Variants in DMRT1 observed in about 807,000 individuals in gnomAD.
The protein encoded by DMRT1 is doublesex and mab-3 related transcription factor 1, also known as doublesex- and mab-3-related transcription factor 1.
In DMRT1, 7 loss-of-function variants were observed where a neutral mutation model predicts 32.3. That is an observed-to-expected ratio of 0.22 (90% CI 0.12 to 0.41). The LOEUF (loss-of-function observed/expected upper bound fraction) is 0.41, where lower values mean the gene tolerates loss of function less well. Among genes scored for constraint, DMRT1 ranks in the 10% least tolerant of loss-of-function variants. The probability of loss-of-function intolerance (pLI) is 1.00; values close to 1 mark genes in which losing one functional copy is unlikely to be tolerated. For missense variants in DMRT1, 625 were observed against 500.5 expected, an observed-to-expected ratio of 1.25 and a Z score of -2.37; for synonymous variants, 278 against 206.1, an observed-to-expected ratio of 1.35 and a Z score of -2.99.
At chr9:883,187 C>CA (rs1189496996) in intron 2 of DMRT1, among the ~76,000 whole-genome samples, 1 of 151,502 alleles carries the variant, frequency 6.6e-6, no homozygotes, top group African/African-American at 2.4e-5. Context: ...CTTTAAAAGC[C>CA]AACTTCAGGT....
intron 2 of DMRT1, among the ~76,000 whole-genome samples, chr9:852,945 C>T (rs1815224118): frequency 1.3e-5 from 2 of 152,130 alleles, no homozygotes; most frequent in African/African-American, 4.8e-5. Context: ...CACATTGTGT[C>T]GTATGTTTAA....
intron 2 of DMRT1, among the ~76,000 whole-genome samples, chr9:892,965 T>C (rs1484607588): frequency 1.3e-5 from 2 of 152,180 alleles, no homozygotes; most frequent in African/African-American, 2.4e-5. Context: ...CATCTTTTTT[T>C]AAGTGCAACT....
At chr9:890,480 C>G (rs1289072541) in intron 2 of DMRT1, among the ~76,000 whole-genome samples, 2 of 152,158 alleles carry the variant, frequency 1.3e-5, no homozygotes, top group African/African-American at 2.4e-5. Flanking sequence ...AAAAGTGACA[C>G]CAATGCTGAC....
At chr9:850,437 G>A (rs780348345) in intron 2 of DMRT1, among the ~76,000 whole-genome samples, 1 of 152,144 alleles carries the variant, frequency 6.6e-6, no homozygotes. Flanking sequence ...TCATTTTTCA[G>A]AGGTTGGATT....
chr9:889,794 C>A (rs1817069122), intron 2 of DMRT1, among the ~76,000 whole-genome samples: 1 of 152,124 alleles, frequency 6.6e-6, no homozygotes, highest in African/African-American at 2.4e-5. Context: ...AAGAAGCTTG[C>A]TTTTGAAAGG....
At chr9:930,039 C>A (rs1329063759) in intron 4 of DMRT1, among the ~76,000 whole-genome samples, 1 of 152,152 alleles carries the variant, frequency 6.6e-6, no homozygotes, top group Admixed American at 6.5e-5. Context: ...TGACTTTATT[C>A]AAGACCTGGT....
intron 2 of DMRT1, among the ~76,000 whole-genome samples, chr9:853,495 G>A (rs1343071143): frequency 1.4e-5 from 2 of 144,618 alleles, no homozygotes; most frequent in South Asian, 2.2e-4. Flanking sequence ...TTTTTGAGAC[G>A]AAGTCTTGAT....
rs1185468927 is a variant in DMRT1, at chr9:863,541, GGACCTA to G, written c.538+16400_538+16405del. Reference sequence around the variant, plus strand: ...CTCAGCTGACAGCCAGCAAGGAATGGGACCTAGTCCTACTAACACACAGGGAGCTGA... The same window carrying G: ...CTCAGCTGACAGCCAGCAAGGAATGGGTCCTACTAACACACAGGGAGCTGA... On this transcript the variant is annotated intron_variant, in intron 2 of 4. Transcript: ENST00000382276. 2.0e-5 allele frequency among the ~76,000 whole-genome samples: 3 copies of G among 152,236 alleles called. No individual in the cohort carries two copies. In the East Asian group the frequency reaches 5.8e-4, roughly 29 times the overall value.
At chr9:892,366 TC>T (rs1817185226) in intron 2 of DMRT1, among the ~76,000 whole-genome samples, 1 of 152,064 alleles carries the variant, frequency 6.6e-6, no homozygotes, top group African/African-American at 2.4e-5. Flanking sequence ...TCTCAGCCTC[TC>T]CCAAAAGCAC....
intron 2 of DMRT1, among the ~76,000 whole-genome samples, chr9:858,137 T>C (rs111492345): frequency 0.066 from 10,117 of 152,232 alleles, 1,086 homozygotes; most frequent in African/African-American, 0.23. Flanking sequence ...GGAAAACCAC[T>C]GTCACTCTTC....
Position 916,866 on chromosome 9 carries a change from C to A in DMRT1, c.926C>A (p.Thr309Asn). Residue 309 changes from threonine (T) to asparagine (N), a missense_variant, in exon 4 of 5, where the codon ACT (threonine) becomes AAT (asparagine). This residue lies in a region of DMRT1 where 416 missense variants were observed against 321.6 expected (regional missense o/e 1.29). Transcript: ENST00000382276. ...GGCCAGAGCGTGCCCCAGTTCTTCA[C>A]TTTTGAGGATGCTCCCTCTTACCCG... ...YLGQSVPQFFTFEDAPSYPEA... is the reference protein window; with the variant it reads ...YLGQSVPQFFNFEDAPSYPEA... The A allele has an allele frequency of 6.2e-7, 1 of 1,614,192 alleles. No homozygotes were observed. The highest frequency in any genetic ancestry group is 2.2e-5 in the East Asian group (1 of 44,886).
At chr9:864,100 C>A (rs374971498) in intron 2 of DMRT1, among the ~76,000 whole-genome samples, 76 of 152,168 alleles carry the variant, frequency 5.0e-4, no homozygotes, top group Non-Finnish European at 9.0e-4. Flanking sequence ...AAGCCTGTAA[C>A]TTTTCCACTT....
At chr9:944,264 G>A (rs1214358809) in intron 4 of DMRT1, among the ~76,000 whole-genome samples, 1 of 152,078 alleles carries the variant, frequency 6.6e-6, no homozygotes, top group South Asian at 2.1e-4. Context: ...CTTAATTATT[G>A]TGTGTTCCTG....
intron 4 of DMRT1, among the ~76,000 whole-genome samples, chr9:935,529 T>A (rs542606571): frequency 6.6e-6 from 1 of 152,326 alleles, no homozygotes; most frequent in African/African-American, 2.4e-5. Flanking sequence ...TGATGAGCGA[T>A]AGATTGGGTT....
At chr9:856,851 C>T (rs751027667) in intron 2 of DMRT1, among the ~76,000 whole-genome samples, 5 of 152,108 alleles carry the variant, frequency 3.3e-5, no homozygotes, top group Non-Finnish European at 7.3e-5. Context: ...ACATTCCTAC[C>T]GACAGTCTAT....
chr9:899,115 G>A (rs1290750108), intron 3 of DMRT1, among the ~76,000 whole-genome samples: 2 of 151,668 alleles, frequency 1.3e-5, no homozygotes, highest in African/African-American at 2.4e-5. Flanking sequence ...GTATCCTGTA[G>A]GATAACTCCT....
chr9:932,687 G>A (rs1818763221), intron 4 of DMRT1, among the ~76,000 whole-genome samples: 1 of 152,110 alleles, frequency 6.6e-6, no homozygotes, highest in African/African-American at 2.4e-5. Flanking sequence ...GGCTCCAGCT[G>A]AAAATGGGGT....
At chr9:961,526 AC>A (rs1305932352) in intron 4 of DMRT1, among the ~76,000 whole-genome samples, 1 of 152,198 alleles carries the variant, frequency 6.6e-6, no homozygotes, top group African/African-American at 2.4e-5. Flanking sequence ...ATGTTCACAG[AC>A]ATTCTGGTGT....
rs114645183 is a variant in DMRT1 at position 891,972 on chromosome 9, C to T, written c.539-1940C>T. On this transcript the variant is annotated intron_variant, in intron 2 of 4. Coordinates refer to ENST00000382276, the MANE Select transcript of DMRT1 (RefSeq NM_021951.3). The stretch of plus-strand genomic sequence containing the variant: ...AGTGGTGTGCCCGGAGGCTGGGTGC[C>T]TTCTTGCTGGATCTCACGTCCTGGT... Among the ~76,000 whole-genome samples, 918 of 152,292 alleles carry T rather than the reference C, an allele frequency of 6.0e-3. 14 individuals carry two copies. The highest frequency in any genetic ancestry group is 0.021 in the African/African-American group (882 of 41,566).
Sources: gnomAD v4.1 joint callset for allele counts (sites outside exome capture counted in the v4.1 genomes callset) on GRCh38, gnomAD v4.1.1 for gene constraint, gnomAD v4.1.1 regional missense constraint, MANE v1.5 for transcripts, NCBI Gene and HGNC (gene_info 2026-07-23, HGNC 2026-07-21) for gene names.